SPATA16: variants seen among roughly 807,000 people sequenced by gnomAD.
The protein encoded by SPATA16 is spermatogenesis-associated protein 16.
SPATA16 carries 36 observed loss-of-function variants against 63.3 expected under a neutral mutation model. The ratio of observed to expected loss-of-function variants is 0.57; its 90% CI spans 0.44 to 0.75. SPATA16 has a LOEUF of 0.75. Among genes scored for constraint, SPATA16 ranks in the 30% least tolerant of loss-of-function variants. SPATA16 has a pLI of 0.00. For missense variants in SPATA16, 646 were observed against 679.3 expected, an observed-to-expected ratio of 0.95 and a Z score of 0.54; for synonymous variants, 203 against 216.7, an observed-to-expected ratio of 0.94 and a Z score of 0.56.
chr3:173,091,705 G>A (rs1737226091), intron 2 of SPATA16, among the ~76,000 whole-genome samples: 1 of 151,952 alleles, frequency 6.6e-6, no homozygotes, highest in Non-Finnish European at 1.5e-5. Context: ...ACAAGAAGGT[G>A]GAAAAATGGT....
chr3:173,094,263 G>GTT (rs1737296343), intron 2 of SPATA16, among the ~76,000 whole-genome samples: 1 of 151,894 alleles, frequency 6.6e-6, no homozygotes, highest in Non-Finnish European at 1.5e-5. Flanking sequence ...AACATCCAAG[G>GTT]GTCACCGTCC....
chr3:173,117,899 T>A, intron 1 of SPATA16, 150 bp from the exon 2 acceptor site: 1 of 1,318,518 alleles, frequency 7.6e-7, no homozygotes, highest in Non-Finnish European at 1.0e-6. Flanking sequence ...ATCTACTGAC[T>A]ATTTTAATAG....
chr3:172,912,918 T>C (rs189117058), intron 10 of SPATA16, among the ~76,000 whole-genome samples: 5 of 152,302 alleles, frequency 3.3e-5, no homozygotes, highest in African/African-American at 1.2e-4. Context: ...TTTCCTCAGG[T>C]GCTCCAGAAT....
Position 172,918,657 on chromosome 3 carries a change from A to T in SPATA16, c.1339-2176T>A, listed in dbSNP as rs182937795. Among the ~76,000 whole-genome samples the T allele has an allele frequency of 2.4e-4, 36 of 152,290 alleles. No individual in the cohort carries two copies. In the East Asian group the frequency reaches 6.9e-3, roughly 29 times the overall value. On this transcript the variant is annotated intron_variant, in intron 8 of 10. Coordinates refer to ENST00000351008, the MANE Select transcript of SPATA16 (RefSeq NM_031955.6). ...GGAAATAAAGAAAATAATAAAAAAT[A>T]GGAATTAGCTTAAATATCTAATGCT...
intron 6 of SPATA16, among the ~76,000 whole-genome samples, chr3:172,936,098 T>C (rs765914244): frequency 5.9e-5 from 9 of 152,170 alleles, no homozygotes; most frequent in Non-Finnish European, 1.3e-4. Flanking sequence ...TTCTTCCTAG[T>C]TTCTGGCACA....
intron 6 of SPATA16, among the ~76,000 whole-genome samples, chr3:172,942,397 CAG>C: frequency 6.6e-6 from 1 of 152,132 alleles, no homozygotes; most frequent in South Asian, 2.1e-4. Context: ...AAATACTAAT[CAG>C]AATAAAACTA....
intron 5 of SPATA16, among the ~76,000 whole-genome samples, chr3:172,974,778 G>T (rs1734117346): frequency 6.6e-6 from 1 of 152,026 alleles, no homozygotes; most frequent in African/African-American, 2.4e-5. Context: ...TGGGCTTTAA[G>T]AATAAACCTT....
intron 1 of SPATA16, among the ~76,000 whole-genome samples, chr3:173,135,902 C>T (rs566176662): frequency 1.3e-5 from 2 of 152,130 alleles, no homozygotes; most frequent in Non-Finnish European, 2.9e-5. Flanking sequence ...TCATTTGTGC[C>T]TTTTACCAAA....
At chr3:172,954,477 G>A (rs16846324) in intron 6 of SPATA16, among the ~76,000 whole-genome samples, 11,901 of 152,144 alleles carry the variant, frequency 0.078, 662 homozygotes, top group East Asian at 0.16. Context: ...TCTGGTTTTT[G>A]GAAACTACCA....
chr3:173,071,828 T>C (rs1459742636), intron 2 of SPATA16, among the ~76,000 whole-genome samples: 1 of 152,208 alleles, frequency 6.6e-6, no homozygotes, highest in East Asian at 1.9e-4. Context: ...TCAACGTCAC[T>C]AATCATCAAA....
intron 2 of SPATA16, among the ~76,000 whole-genome samples, chr3:173,061,276 A>G (rs1736372351): frequency 6.6e-6 from 1 of 152,360 alleles, no homozygotes; most frequent in South Asian, 2.1e-4. Flanking sequence ...AGCCTCAGAT[A>G]TAAGTCCTTG....
intron 5 of SPATA16, among the ~76,000 whole-genome samples, chr3:172,968,606 C>G (rs567546284): frequency 2.6e-5 from 4 of 152,176 alleles, no homozygotes; most frequent in Non-Finnish European, 5.9e-5. Flanking sequence ...GTTCTTGCCT[C>G]TCTCCCCCCT....
intron 6 of SPATA16, among the ~76,000 whole-genome samples, chr3:172,933,193 A>G (rs1560071250): frequency 6.6e-6 from 1 of 152,234 alleles, no homozygotes; most frequent in Non-Finnish European, 1.5e-5. Flanking sequence ...AATGTTTATT[A>G]GACTCACATC....
intron 2 of SPATA16, 81 bp downstream of exon 2, chr3:173,117,039 T>G: frequency 7.4e-7 from 1 of 1,355,358 alleles, no homozygotes. Context: ...TATTACAGTA[T>G]GGCCAGAACC....
In SPATA16 at chr3:172,913,714, T is replaced by C. The variant is rs1732421083; in HGVS notation, c.1534A>G (p.Thr512Ala). 6.2e-7 allele frequency: 1 copy of C among 1,613,852 alleles called. No individual in the cohort carries two copies. Among genetic ancestry groups the C allele is most frequent in the Non-Finnish European group, 8.5e-7 (1 of 1,179,836 alleles). ...LQSLMADAMD[T>A]LEGRRNNNER... ...TTATTGTTTCTTCTTCCTTCAAGGG[T>C]GTCCATAGCATCTGCCATTAGTGAC... is the stretch of plus-strand genomic sequence containing the variant. The change falls in exon 10 of 11, where the codon ACC (threonine) becomes GCC (alanine). Residue 512 changes from threonine (T) to alanine (A), a missense_variant. Transcript: ENST00000351008.
Position 173,028,009 on chromosome 3 carries a change from CCCTCCCTTCCTTCTTT to C in SPATA16, c.759-8450_759-8435del, listed in dbSNP as rs1425698793. Among the ~76,000 whole-genome samples, 9 of 43,332 alleles carry C rather than the reference CCCTCCCTTCCTTCTTT, an allele frequency of 2.1e-4. 1 individual carries two copies. Among genetic ancestry groups the C allele is most frequent in the African/African-American group, 1.3e-3 (6 of 4,792 alleles). The allele number at this position is 43,332 out of a possible 152,430, so 28.4% of individuals were successfully genotyped here. On this transcript the variant is annotated intron_variant, in intron 3 of 10. Coordinates refer to ENST00000351008, the MANE Select transcript of SPATA16 (RefSeq NM_031955.6). ...TCCCTCCCTCCCTCCCTCCCTCCCT[CCCTCCCTTCCTTCTTT>C]CCTTCCTTCCTTCCTTCCTTCCTTC...
At chr3:173,060,394 A>C (rs893684264) in intron 2 of SPATA16, among the ~76,000 whole-genome samples, 6 of 152,200 alleles carry the variant, frequency 3.9e-5, no homozygotes, top group African/African-American at 1.4e-4. Flanking sequence ...AAGTAATTTA[A>C]ATTAGGGAAT....
At chr3:172,936,555 C>A (rs1403284659) in intron 6 of SPATA16, among the ~76,000 whole-genome samples, 1 of 152,044 alleles carries the variant, frequency 6.6e-6, no homozygotes, top group African/African-American at 2.4e-5. Flanking sequence ...TATTTTGTTG[C>A]TATTATGTTG....
At chr3:172,949,231 C>CAATA (rs148318425) in intron 6 of SPATA16, among the ~76,000 whole-genome samples, 8,316 of 151,612 alleles carry the variant, frequency 0.055, 763 homozygotes, top group African/African-American at 0.19. Flanking sequence ...CTACTAAAAG[C>CAATA]AATAAATAAA....
Sources: gnomAD v4.1 joint callset for allele counts (sites outside exome capture counted in the v4.1 genomes callset) on GRCh38, gnomAD v4.1.1 for gene constraint, MANE v1.5 for transcripts, NCBI Gene and HGNC (gene_info 2026-07-23, HGNC 2026-07-21) for gene names.